The following MDGA2 variants were observed in gnomAD, a reference collection of about 807,000 sequenced individuals.
MDGA2 encodes the protein MAM domain-containing glycosylphosphatidylinositol anchor protein 2.
MDGA2 carries 40 observed loss-of-function variants against 117.8 expected under a neutral mutation model. That is an observed-to-expected ratio of 0.34 (90% CI 0.26 to 0.44). The LOEUF is 0.44. Ranked by LOEUF, MDGA2 falls within the 20% of genes least tolerant of loss-of-function variation. The pLI, the probability that MDGA2 is intolerant of heterozygous loss-of-function variation, is 1.00. For synonymous variants in MDGA2, 452 were observed against 439.0 expected (o/e 1.03, Z -0.37); for missense variants, 1,123 against 1,250.6 (o/e 0.90, Z 1.54).
chr14:47,428,072 T>A (rs948316806), intron 1 of MDGA2, among the ~76,000 whole-genome samples: 1 of 152,148 alleles, frequency 6.6e-6, no homozygotes, highest in African/African-American at 2.4e-5. Context: ...CATGATCTGT[T>A]CACAAGGAAA....
intron 8 of MDGA2, among the ~76,000 whole-genome samples, chr14:46,977,535 C>A (rs1368351346): frequency 1.3e-5 from 2 of 151,862 alleles, no homozygotes; most frequent in African/African-American, 2.4e-5. Flanking sequence ...ATAATAGCCA[C>A]AATTAGGCAA....
At chr14:47,376,346 A>C (rs17118432) in intron 1 of MDGA2, among the ~76,000 whole-genome samples, 16,610 of 152,168 alleles carry the variant, frequency 0.11, 1,119 homozygotes, top group Non-Finnish European at 0.13. Flanking sequence ...ATTAGTATCC[A>C]TATTTACATG....
intron 1 of MDGA2, among the ~76,000 whole-genome samples, chr14:47,322,033 C>T (rs1238620647): frequency 6.6e-6 from 1 of 151,978 alleles, no homozygotes; most frequent in African/African-American, 2.4e-5. Flanking sequence ...TTTAAAAATA[C>T]TCAACTTCAA....
chr14:47,505,385 G>T (rs368128865), intron 1 of MDGA2, among the ~76,000 whole-genome samples: 1 of 152,096 alleles, frequency 6.6e-6, no homozygotes, highest in African/African-American at 2.4e-5. Flanking sequence ...AAATAACTGC[G>T]TGAGGTCATG....
intron 1 of MDGA2, among the ~76,000 whole-genome samples, chr14:47,480,512 A>T (rs1230864560): frequency 6.6e-6 from 1 of 152,070 alleles, no homozygotes; most frequent in African/African-American, 2.4e-5. Context: ...TAAGATTTCA[A>T]GCAACAAATA....
intron 7 of MDGA2, among the ~76,000 whole-genome samples, chr14:47,057,743 CTGCCT>C (rs1218784674): frequency 1.3e-4 from 20 of 149,136 alleles, no homozygotes; most frequent in African/African-American, 4.4e-4. Flanking sequence ...CTGCCCTGCC[CTGCCT>C]TGCCTTGCCT....
chr14:46,947,605 T>G (rs1885218867), intron 9 of MDGA2, among the ~76,000 whole-genome samples: 1 of 151,956 alleles, frequency 6.6e-6, no homozygotes, highest in Non-Finnish European at 1.5e-5. Context: ...TCGGATGGTT[T>G]TAAAAAAGAG....
intron 1 of MDGA2, among the ~76,000 whole-genome samples, chr14:47,510,773 T>C (rs923467337): frequency 1.3e-5 from 2 of 152,208 alleles, no homozygotes; most frequent in African/African-American, 4.8e-5. Flanking sequence ...GTCTCTCTGA[T>C]CTCATCACAG....
intron 8 of MDGA2, among the ~76,000 whole-genome samples, chr14:46,962,082 G>C (rs1343805330): frequency 6.6e-6 from 1 of 152,076 alleles, no homozygotes; most frequent in East Asian, 1.9e-4. Flanking sequence ...ATATTTATAG[G>C]ATATGCTGAT....
At chr14:47,207,842 C>T (rs560130813) in intron 3 of MDGA2, among the ~76,000 whole-genome samples, 1 of 152,116 alleles carries the variant, frequency 6.6e-6, no homozygotes, top group African/African-American at 2.4e-5. Context: ...ATTTTCACTT[C>T]ACTTTCAGTT....
intron 1 of MDGA2, among the ~76,000 whole-genome samples, chr14:47,302,255 C>T (rs1422978564): frequency 6.6e-6 from 1 of 152,150 alleles, no homozygotes; most frequent in Non-Finnish European, 1.5e-5. Context: ...ATTTAACTAA[C>T]ACTCCTTGAC....
At position 47,423,082 on chromosome 14, in the gene MDGA2, G is replaced by A. The variant is rs140683202; in HGVS notation, c.281-121532C>T. Among the ~76,000 whole-genome samples, 40 of 152,184 alleles carry A rather than the reference G, an allele frequency of 2.6e-4. No homozygotes were observed. In the East Asian group the frequency reaches 7.7e-3, roughly 29 times the overall value. On this transcript the variant is annotated intron_variant, in intron 1 of 16. Transcript: ENST00000399232. Reference sequence around the variant, plus strand: ...ATGCTTAGGCAAATTATTTTGCAGTGTTTAGATGTACAATCCTTGCTTTCT... The same window carrying A: ...ATGCTTAGGCAAATTATTTTGCAGTATTTAGATGTACAATCCTTGCTTTCT...
intron 16 of MDGA2, among the ~76,000 whole-genome samples, chr14:46,844,523 G>A (rs545197872): frequency 3.3e-5 from 5 of 152,236 alleles, no homozygotes; most frequent in Non-Finnish European, 7.4e-5. Context: ...GGAGATTGCA[G>A]TGAGCAGAGA....
At chr14:46,999,213 A>C (rs1887414164) in intron 8 of MDGA2, among the ~76,000 whole-genome samples, 1 of 152,006 alleles carries the variant, frequency 6.6e-6, no homozygotes, top group South Asian at 2.1e-4. Context: ...GCAGGTAAAA[A>C]AAAAAGCTGT....
rs1895797132 is a variant in MDGA2, at chr14:47,561,153, G to GGTTTTTTTTTTTTTTTTTTTTTT, written c.280+113363_280+113364insAAAAAAAAAAAAAAAAAAAAAAC. Among the ~76,000 whole-genome samples the GGTTTTTTTTTTTTTTTTTTTTTT allele has an allele frequency of 3.4e-4, 22 of 63,904 alleles. 5 individuals are homozygous for GGTTTTTTTTTTTTTTTTTTTTTT. The East Asian group carries it at 4.3e-3, about 13-fold the overall frequency. The allele number at this position is 63,904 out of a possible 152,430, so 41.9% of individuals were successfully genotyped here. On this transcript the variant is annotated intron_variant, in intron 1 of 16. Transcript: ENST00000399232. Reference sequence around the variant, plus strand: ...TACCTCTATCTTTGTTTTTTTTTTTGTTTTGTTTTGTTTTTTTGTTTGTTT... The same window carrying GGTTTTTTTTTTTTTTTTTTTTTT: ...TACCTCTATCTTTGTTTTTTTTTTTGGTTTTTTTTTTTTTTTTTTTTTTTTTTGTTTTGTTTTTTTGTTTGTTT...
chr14:47,083,143 A>C (rs1173954984), intron 6 of MDGA2, among the ~76,000 whole-genome samples: 1 of 151,956 alleles, frequency 6.6e-6, no homozygotes, highest in Non-Finnish European at 1.5e-5. Flanking sequence ...CAGGAAAAAG[A>C]ATGAGAAAAA....
chr14:46,882,722 T>A (rs1304794374), intron 10 of MDGA2, among the ~76,000 whole-genome samples: 1 of 151,826 alleles, frequency 6.6e-6, no homozygotes, highest in Admixed American at 6.6e-5. Flanking sequence ...AATATAAAAT[T>A]TCAGTTAGTC....
chr14:46,847,724 G>C (rs1880897903), intron 15 of MDGA2, among the ~76,000 whole-genome samples: 1 of 151,956 alleles, frequency 6.6e-6, no homozygotes, highest in South Asian at 2.1e-4. Flanking sequence ...TATTTAACCA[G>C]TACCCTATAG....
intron 6 of MDGA2, among the ~76,000 whole-genome samples, chr14:47,095,826 A>G (rs1879934257): frequency 6.6e-6 from 1 of 152,066 alleles, no homozygotes; most frequent in African/African-American, 2.4e-5. Flanking sequence ...TCACAAAATC[A>G]CAAGTGTTTA....
Sources: allele counts gnomAD v4.1 joint callset (sites outside exome capture counted in the v4.1 genomes callset), GRCh38; gene constraint gnomAD v4.1.1; transcripts MANE v1.5; gene names NCBI Gene and HGNC (gene_info 2026-07-23, HGNC 2026-07-21).